Variants in SNX27 observed in about 807,000 individuals in gnomAD.
SNX27 encodes the protein sorting nexin 27.
SNX27 carries 22 observed loss-of-function variants against 71.6 expected under a neutral mutation model. The ratio of observed to expected loss-of-function variants is 0.31; its 90% confidence interval spans 0.22 to 0.44. SNX27 has a LOEUF of 0.44. Among genes scored for constraint, SNX27 ranks in the 20% least tolerant of loss-of-function variants. The probability of loss-of-function intolerance (pLI) is 1.00; values close to 1 mark genes in which losing one functional copy is unlikely to be tolerated. For synonymous variants in SNX27, 269 were observed against 277.2 expected (o/e 0.97, Z 0.29); for missense variants, 531 against 698.6 (o/e 0.76, Z 2.70).
In SNX27 at chr1:151,692,429, T is replaced by TTA; in HGVS notation, c.1240-5_1240-4insAT. On this transcript the variant is annotated splice_polypyrimidine_tract_variant and splice_region_variant and intron_variant, in intron 8 of 11. Transcript: ENST00000458013. ...TCCTTTTTTTTTTTTTTTTTTTTTTTTTTAGTACCTCAACATGCTAAGGAC... is the reference window on the plus strand; with the variant it reads ...TCCTTTTTTTTTTTTTTTTTTTTTTTTATTTAGTACCTCAACATGCTAAGGAC... The TTA allele has an allele frequency of 1.4e-6, 2 of 1,478,286 alleles. No homozygotes were observed. Among genetic ancestry groups the TTA allele is most frequent in the African/African-American group, 1.5e-5 (1 of 68,266 alleles). 91.6% of individuals were successfully genotyped at this position (1,478,286 alleles called of 1,614,324 possible). A position where few individuals can be genotyped will look rare whatever the true frequency, so the allele number is the denominator to read the frequency against.
intron 1 of SNX27, among the ~76,000 whole-genome samples, chr1:151,622,802 T>C (rs1328979810): frequency 6.6e-6 from 1 of 152,118 alleles, no homozygotes; most frequent in Non-Finnish European, 1.5e-5. Context: ...CCCATTTCTT[T>C]TTTTTAAATT....
At chr1:151,627,400 A>T (rs1667994434) in intron 1 of SNX27, among the ~76,000 whole-genome samples, 1 of 152,228 alleles carries the variant, frequency 6.6e-6, no homozygotes, top group Non-Finnish European at 1.5e-5. Context: ...TTTTGCGTTT[A>T]GTCTTATGGA....
At chr1:151,681,235 C>CTTTTTTGTTTTTTTTTTTTTTTTTTT (rs1670932184) in intron 7 of SNX27, among the ~76,000 whole-genome samples, 1 of 60,700 alleles carries the variant, frequency 1.6e-5, no homozygotes, top group Non-Finnish European at 3.2e-5. Context: ...GTCTCTCAAT[C>CTTTTTTGTTTTTTTTTTTTTTTTTTT]TTTTTTTTTT....
chr1:151,629,620 G>C (rs1282414591), intron 1 of SNX27, among the ~76,000 whole-genome samples: 1 of 144,554 alleles, frequency 6.9e-6, no homozygotes. Context: ...GTCTCACTCT[G>C]TTGACCAGGC....
chr1:151,677,253 G>T (rs1376088296), intron 7 of SNX27: 1 of 152,062 alleles, frequency 6.6e-6, no homozygotes, highest in Non-Finnish European at 1.5e-5. Flanking sequence ...TATAATAATA[G>T]ATGCATAAAG....
At chr1:151,626,328 GT>G (rs1440616285) in intron 1 of SNX27, among the ~76,000 whole-genome samples, 1 of 151,560 alleles carries the variant, frequency 6.6e-6, no homozygotes, top group Admixed American at 6.6e-5. Context: ...TTAAATGAAG[GT>G]TTTTTTGGCT....
chr1:151,681,890 T>C (rs1351085424), intron 7 of SNX27, among the ~76,000 whole-genome samples: 2 of 152,018 alleles, frequency 1.3e-5, no homozygotes, highest in African/African-American at 2.4e-5. Flanking sequence ...CTCAAAGTAT[T>C]TAAGCACAGA....
At chr1:151,637,111 C>T (rs1668490946) in intron 1 of SNX27, among the ~76,000 whole-genome samples, 1 of 142,500 alleles carries the variant, frequency 7.0e-6, no homozygotes, top group African/African-American at 2.6e-5. Flanking sequence ...AGCCCATTTT[C>T]TTTCCATTTT....
At chr1:151,682,303 G>T (rs1671003284) in intron 7 of SNX27, among the ~76,000 whole-genome samples, 1 of 152,154 alleles carries the variant, frequency 6.6e-6, no homozygotes, top group African/African-American at 2.4e-5. Context: ...AATTTATAAA[G>T]AAAGGAAGGT....
chr1:151,687,921 TG>T (rs1671256969), intron 8 of SNX27, among the ~76,000 whole-genome samples: 1 of 135,588 alleles, frequency 7.4e-6, no homozygotes, highest in Non-Finnish European at 1.5e-5. Flanking sequence ...CACTCCAGCC[TG>T]GGCGACAGAG....
At chr1:151,633,711 A>T (rs1018661341) in intron 1 of SNX27, among the ~76,000 whole-genome samples, 9 of 152,264 alleles carry the variant, frequency 5.9e-5, no homozygotes, top group Non-Finnish European at 1.3e-4. Context: ...AAATGGAGTC[A>T]AATGAGTCGG....
intron 6 of SNX27, chr1:151,666,317 A>C: frequency 4.5e-6 from 1 of 220,048 alleles, no homozygotes; most frequent in Non-Finnish European, 8.9e-6. Flanking sequence ...GGGATGTTCT[A>C]TTTAGCCACA....
intron 2 of SNX27, 31 bp from the exon 3 acceptor site, chr1:151,658,204 A>G (rs1669786653): frequency 6.4e-7 from 1 of 1,570,906 alleles, no homozygotes; most frequent in Non-Finnish European, 8.6e-7. Context: ...TGTATTAAGT[A>G]TGCTTTTCTT....
Position 151,692,949 on chromosome 1 carries a change from A to G in SNX27, c.1428A>G (p.Arg476=), listed in dbSNP as rs1257250037. 10 of 1,614,190 alleles carry G rather than the reference A, an allele frequency of 6.2e-6. No homozygotes were observed. The highest frequency in any genetic ancestry group is 6.8e-6 in the Non-Finnish European group (8 of 1,180,030). The change falls in exon 10 of 12, where the codon CGA becomes CGG. Residue 476 remains arginine (R), a synonymous_variant. Transcript: ENST00000458013. ...CATTTGAATGGGATGAGATGCAGCG[A>G]TGGGACACAGATGAAGAAGGGATGG... is the stretch of plus-strand genomic sequence containing the variant. ...VIAFEWDEMQ[R]WDTDEEGMAF... is the part of the protein sequence containing the mutation.
intron 2 of SNX27, among the ~76,000 whole-genome samples, chr1:151,647,174 G>T: frequency 1.4e-5 from 2 of 147,218 alleles, no homozygotes; most frequent in South Asian, 2.1e-4. Flanking sequence ...TTTTGAGCTG[G>T]AGTTTTGCTC....
At position 151,683,459 on chromosome 1, in the gene SNX27, C is replaced by T. The variant is rs768190901; in HGVS notation, c.1239+14C>T. On this transcript the variant is annotated intron_variant, in intron 8 of 11. Coordinates refer to ENST00000458013, the MANE Select transcript of SNX27 (RefSeq NM_001330723.2). Reference sequence around the variant, plus strand: ...AAAATGGTCATGGTAAGTTTATGTCCCCATAATCCCTTTAAAAATGCCCCT... The same window carrying T: ...AAAATGGTCATGGTAAGTTTATGTCTCCATAATCCCTTTAAAAATGCCCCT... 1.3e-6 allele frequency: 2 copies of T among 1,591,950 alleles called. No individual in the cohort carries two copies. Among genetic ancestry groups the T allele is most frequent in the Non-Finnish European group, 1.7e-6 (2 of 1,164,582 alleles).
At chr1:151,629,899 A>ATT (rs542848826) in intron 1 of SNX27, among the ~76,000 whole-genome samples, 10 of 150,622 alleles carry the variant, frequency 6.6e-5, no homozygotes, top group Non-Finnish European at 1.5e-4. Flanking sequence ...ATATATATAT[A>ATT]TTTTTTTGTG....
intron 5 of SNX27, 79 bp from the exon 6 acceptor site, chr1:151,665,854 C>A: frequency 8.4e-7 from 1 of 1,195,392 alleles, no homozygotes; most frequent in Non-Finnish European, 1.2e-6. Context: ...TTCCCTCCTC[C>A]ACAGACATAC....
chr1:151,664,724 A>G (rs1002909836), intron 5 of SNX27, among the ~76,000 whole-genome samples: 11 of 152,198 alleles, frequency 7.2e-5, no homozygotes, highest in Non-Finnish European at 1.6e-4. Flanking sequence ...CAAATGATAT[A>G]TGCAGGATCT....
Sources: gnomAD v4.1 joint callset for allele counts (sites outside exome capture counted in the v4.1 genomes callset) on GRCh38, gnomAD v4.1.1 for gene constraint, MANE v1.5 for transcripts, NCBI Gene and HGNC (gene_info 2026-07-23, HGNC 2026-07-21) for gene names.